Variants in CD82 observed in about 807,000 individuals in gnomAD.
CD82 encodes CD82 molecule, also known as CD82 antigen.
A neutral mutation model predicts 37.4 loss-of-function variants in CD82; 36 were observed. That is an observed-to-expected ratio of 0.96 (90% CI 0.74 to 1.27). CD82 has a LOEUF of 1.27. CD82 is among the 50% of genes most tolerant of loss of function. The pLI is 0.00. For missense variants in CD82, 340 were observed against 347.0 expected, an observed-to-expected ratio of 0.98 and a Z score of 0.16; for synonymous variants, 158 against 137.4, an observed-to-expected ratio of 1.15 and a Z score of -1.05.
At chr11:44,594,808 G>T in intron 3 of CD82, 83 bp downstream of exon 3, 2 of 1,165,212 alleles carry the variant, frequency 1.7e-6, no homozygotes, top group South Asian at 1.2e-5. Flanking sequence ...TTCCAGAGCC[G>T]ACCGGGCCGG....
chr11:44,566,695 A>G (rs1049244194), intron 1 of CD82, among the ~76,000 whole-genome samples: 8 of 152,236 alleles, frequency 5.3e-5, no homozygotes, highest in African/African-American at 1.9e-4. Flanking sequence ...TGTATACACT[A>G]CTTAGCAAGG....
At chr11:44,600,355 A>G in intron 4 of CD82, 125 bp downstream of exon 4, 1 of 882,130 alleles carries the variant, frequency 1.1e-6, no homozygotes, top group Non-Finnish European at 1.8e-6. Flanking sequence ...GACCTCAGGG[A>G]TGTGGCGAGG....
intron 6 of CD82, among the ~76,000 whole-genome samples, chr11:44,607,373 A>G (rs1456437172): frequency 6.6e-6 from 1 of 152,216 alleles, no homozygotes; most frequent in African/African-American, 2.4e-5. Context: ...GCCAGCAGTT[A>G]AGGGAGGGAA....
At chr11:44,598,400 A>ATTTTTTTT (rs71038809) in intron 3 of CD82, among the ~76,000 whole-genome samples, 5,766 of 58,810 alleles carry the variant, frequency 0.098, 1,477 homozygotes, top group Non-Finnish European at 0.12. Flanking sequence ...TTTGGCCTTA[A>ATTTTTTTT]TTTTTTTTTT....
At chr11:44,570,664 G>A (rs561298278) in intron 1 of CD82, among the ~76,000 whole-genome samples, 7 of 152,314 alleles carry the variant, frequency 4.6e-5, no homozygotes, top group East Asian at 3.9e-4. Flanking sequence ...GGAATGCACC[G>A]TCTGTCCTGG....
At chr11:44,588,356 C>T (rs565309087) in intron 2 of CD82, among the ~76,000 whole-genome samples, 24 of 151,960 alleles carry the variant, frequency 1.6e-4, no homozygotes, top group African/African-American at 5.6e-4. Context: ...CCCAAGTAGC[C>T]GGGACTGCAG....
At position 44,618,236 on chromosome 11, in the gene CD82, C is replaced by T; in HGVS notation, c.513C>T (p.Thr171=). 6.2e-7 allele frequency: 1 copy of T among 1,614,136 alleles called. No homozygotes were observed. Among genetic ancestry groups the T allele is most frequent in the Non-Finnish European group, 8.5e-7 (1 of 1,180,046 alleles). ...NAELMNRPEV[T]YPCSCEVKGE... ...AGCTCATGAATCGCCCTGAGGTCAC[C>T]TACCCCTGTTCCTGCGAAGTCAAGG... The change falls in exon 8 of 10, where the codon ACC becomes ACT. Residue 171 remains threonine (T), a synonymous_variant. Coordinates refer to ENST00000227155, the MANE Select transcript of CD82 (RefSeq NM_002231.4).
chr11:44,604,783 T>C, intron 4 of CD82: 2 of 484,516 alleles, frequency 4.1e-6, no homozygotes, highest in South Asian at 4.2e-5. Context: ...TGAAATGTAG[T>C]CTATTCAATC....
intron 3 of CD82, among the ~76,000 whole-genome samples, chr11:44,598,568 A>G (rs1397583976): frequency 2.6e-5 from 4 of 151,568 alleles, no homozygotes; most frequent in East Asian, 3.9e-4. Context: ...CCCCATCAAC[A>G]CGCCCAGCTA....
At chr11:44,587,622 G>T (rs766118685) in intron 2 of CD82, 66 bp downstream of exon 2, 23 of 455,226 alleles carry the variant, frequency 5.1e-5, no homozygotes, top group Non-Finnish European at 9.3e-5. Flanking sequence ...GGCGAGGAAG[G>T]TGGAGACCGA....
At chr11:44,593,113 T>A (rs1853169369) in intron 2 of CD82, among the ~76,000 whole-genome samples, 1 of 152,190 alleles carries the variant, frequency 6.6e-6, no homozygotes, top group Non-Finnish European at 1.5e-5. Context: ...ACCGGAGGTG[T>A]GTGAAGTGGA....
chr11:44,590,441 A>G (rs1853126065), intron 2 of CD82, among the ~76,000 whole-genome samples: 1 of 151,326 alleles, frequency 6.6e-6, no homozygotes. Flanking sequence ...ACCCGTCTCT[A>G]CTAAAAATAC....
chr11:44,585,716 G>A (rs1853044586), intron 1 of CD82, among the ~76,000 whole-genome samples: 1 of 152,190 alleles, frequency 6.6e-6, no homozygotes, highest in African/African-American at 2.4e-5. Context: ...CCTCCCATGT[G>A]GGAGCCCCAG....
intron 7 of CD82, among the ~76,000 whole-genome samples, chr11:44,615,615 G>A (rs1853553381): frequency 6.6e-6 from 1 of 152,222 alleles, no homozygotes; most frequent in Non-Finnish European, 1.5e-5. Context: ...CAGAGAGCAT[G>A]GGGGCAGTTG....
intron 4 of CD82, among the ~76,000 whole-genome samples, chr11:44,602,713 C>G (rs2134669645): frequency 6.6e-6 from 1 of 152,200 alleles, no homozygotes; most frequent in East Asian, 1.9e-4. Flanking sequence ...GATGGCCTAC[C>G]CCAGAGCATA....
chr11:44,604,833 G>T, intron 4 of CD82: 1 of 596,210 alleles, frequency 1.7e-6, no homozygotes, highest in South Asian at 1.9e-5. Context: ...GCCGGGAAGG[G>T]GCTTAGGCTG....
At chr11:44,605,944 T>C (rs1241163576) in intron 6 of CD82, among the ~76,000 whole-genome samples, 3 of 152,196 alleles carry the variant, frequency 2.0e-5, no homozygotes, top group Non-Finnish European at 4.4e-5. Flanking sequence ...CGAGGGGAGA[T>C]GTTCAGCTTT....
intron 1 of CD82, among the ~76,000 whole-genome samples, chr11:44,572,902 T>C (rs1462262927): frequency 7.2e-6 from 1 of 139,718 alleles, no homozygotes; most frequent in Non-Finnish European, 1.6e-5. Context: ...GTCCTGGACC[T>C]GGCAGAGTTA....
Position 44,618,998 on chromosome 11 carries a change from T to C in CD82, c.727-51T>C, listed in dbSNP as rs1273919509. 12 of 1,504,050 alleles carry C rather than the reference T, an allele frequency of 8.0e-6. No homozygotes were observed. In the Admixed American group the frequency reaches 1.7e-4, roughly 21 times the overall value. 93.2% of individuals were successfully genotyped at this position (1,504,050 alleles called of 1,614,324 possible). On this transcript the variant is annotated intron_variant, in intron 9 of 9. Transcript: ENST00000227155. Reference sequence around the variant, plus strand: ...AAACCTGGATGGTGAGGCTGGGGCGTCTGAGGCCGGGACACCCAGCCTCCC... The same window carrying C: ...AAACCTGGATGGTGAGGCTGGGGCGCCTGAGGCCGGGACACCCAGCCTCCC...
Sources: allele counts gnomAD v4.1 joint callset (sites outside exome capture counted in the v4.1 genomes callset), GRCh38; gene constraint gnomAD v4.1.1; transcripts MANE v1.5; gene names NCBI Gene and HGNC (gene_info 2026-07-23, HGNC 2026-07-21).